The following PALLD variants were observed in gnomAD, a reference collection of about 807,000 sequenced individuals.
PALLD encodes palladin.
A neutral mutation model predicts 123.5 loss-of-function variants in PALLD; 61 were observed. The observed-to-expected ratio is 0.49, with a 90% CI of 0.40 to 0.61. The LOEUF (loss-of-function observed/expected upper bound fraction) is 0.61, where lower values mean the gene tolerates loss of function less well. Ranked by LOEUF, PALLD falls within the 20% of genes least tolerant of loss-of-function variation. The pLI is 0.00. For synonymous variants in PALLD, 465 were observed against 496.4 expected (o/e 0.94, Z 0.84); for missense variants, 1,273 against 1,377.0 (o/e 0.92, Z 1.20).
At chr4:168,729,430 C>T (rs59893369) in intron 10 of PALLD, among the ~76,000 whole-genome samples, 1 of 152,024 alleles carries the variant, frequency 6.6e-6, no homozygotes, top group Non-Finnish European at 1.5e-5. Flanking sequence ...TCCCAAGGTG[C>T]TAGGATTACA....
intron 1 of PALLD, among the ~76,000 whole-genome samples, chr4:168,504,352 T>C (rs1761765275): frequency 1.3e-5 from 2 of 152,234 alleles, no homozygotes; most frequent in Non-Finnish European, 2.9e-5. Flanking sequence ...TCCCAGCATT[T>C]TGGGAGGCTA....
At chr4:168,904,905 T>C (rs1238231084) in intron 15 of PALLD, among the ~76,000 whole-genome samples, 1 of 151,992 alleles carries the variant, frequency 6.6e-6, no homozygotes. Flanking sequence ...GGCAGGTGGA[T>C]TGCCTCAGCC....
rs1167722640 is a variant in PALLD at position 168,927,938 on chromosome 4, T to C, written c.*1758T>C. 5.0e-6 allele frequency: 1 copy of C among 199,874 alleles called. No individual in the cohort carries two copies. Among genetic ancestry groups the C allele is most frequent in the Non-Finnish European group, 1.0e-5 (1 of 96,634 alleles). 12.4% of individuals were successfully genotyped at this position (199,874 alleles called of 1,614,324 possible). On this transcript the variant is annotated 3_prime_UTR_variant, in exon 22 of 22. Coordinates refer to ENST00000505667, the MANE Select transcript of PALLD (RefSeq NM_001166108.2). ...TTCATTATTTATAAGTGGCCTCTCT[T>C]AGCTCAGTTACTCAATTCATACGTA... is the stretch of plus-strand genomic sequence containing the variant.
intron 10 of PALLD, among the ~76,000 whole-genome samples, chr4:168,818,518 T>G (rs953295879): frequency 1.3e-5 from 2 of 151,856 alleles, no homozygotes; most frequent in African/African-American, 4.8e-5. Context: ...GCCCAGGAGG[T>G]CAAGACTGTG....
intron 10 of PALLD, among the ~76,000 whole-genome samples, chr4:168,836,723 A>C (rs1745252661): frequency 6.6e-6 from 1 of 152,144 alleles, no homozygotes; most frequent in Admixed American, 6.5e-5. Context: ...AGGCTGTCAA[A>C]CCTACTGCGA....
chr4:168,786,695 A>G (rs1472928134), intron 10 of PALLD, among the ~76,000 whole-genome samples: 3 of 152,356 alleles, frequency 2.0e-5, no homozygotes, highest in African/African-American at 4.8e-5. Context: ...GTTTATGAAT[A>G]TTGGAACATT....
intron 11 of PALLD, among the ~76,000 whole-genome samples, chr4:168,892,210 A>G (rs896368375): frequency 1.3e-5 from 2 of 152,202 alleles, no homozygotes; most frequent in African/African-American, 4.8e-5. Flanking sequence ...AAGCAAATCT[A>G]GAAAATAAGA....
chr4:168,634,685 AT>A (rs1157330951), intron 2 of PALLD, among the ~76,000 whole-genome samples: 41 of 152,290 alleles, frequency 2.7e-4, no homozygotes, highest in Admixed American at 1.6e-3. Context: ...CCACCAAATG[AT>A]TTGCGGTCAG....
intron 10 of PALLD, among the ~76,000 whole-genome samples, chr4:168,883,081 T>A (rs201166619): frequency 2.8e-5 from 3 of 106,182 alleles, no homozygotes; most frequent in Non-Finnish European, 4.2e-5. Flanking sequence ...AGAGCAAAAC[T>A]CTGTCTCAAA....
chr4:168,816,411 ATAT>A (rs1338398729), intron 10 of PALLD, among the ~76,000 whole-genome samples: 8 of 113,694 alleles, frequency 7.0e-5, no homozygotes, highest in African/African-American at 2.7e-4. Flanking sequence ...ATATATATAT[ATAT>A]TTTTTTTAAG....
At chr4:168,577,232 A>G (rs1769712692) in intron 2 of PALLD, among the ~76,000 whole-genome samples, 1 of 152,128 alleles carries the variant, frequency 6.6e-6, no homozygotes, top group Non-Finnish European at 1.5e-5. Flanking sequence ...TCAGCAGTGT[A>G]TGAGTGGTTG....
intron 10 of PALLD, among the ~76,000 whole-genome samples, chr4:168,834,466 T>G (rs1316226329): frequency 1.3e-5 from 2 of 152,064 alleles, no homozygotes; most frequent in Non-Finnish European, 2.9e-5. Flanking sequence ...AGGCCGGGCA[T>G]AGAGACTCAC....
chr4:168,508,499 C>T (rs1048827807), intron 1 of PALLD, among the ~76,000 whole-genome samples: 9 of 152,156 alleles, frequency 5.9e-5, no homozygotes, highest in Admixed American at 5.9e-4. Flanking sequence ...TTAGGCTTCA[C>T]AATTTCGTCA....
At chr4:168,827,132 C>T (rs1283253076) in intron 10 of PALLD, among the ~76,000 whole-genome samples, 1 of 152,202 alleles carries the variant, frequency 6.6e-6, no homozygotes, top group Non-Finnish European at 1.5e-5. Flanking sequence ...TAAGTACAAA[C>T]AGTCCCATTT....
intron 10 of PALLD, among the ~76,000 whole-genome samples, chr4:168,792,271 CAA>C (rs1193765275): frequency 6.6e-6 from 1 of 151,906 alleles, no homozygotes; most frequent in Non-Finnish European, 1.5e-5. Context: ...GGCTGACTCC[CAA>C]AAGTTACTCA....
chr4:168,696,611 CA>C (rs1783151197), intron 8 of PALLD, among the ~76,000 whole-genome samples: 1 of 150,126 alleles, frequency 6.7e-6, no homozygotes, highest in Non-Finnish European at 1.5e-5. Flanking sequence ...AAATGTAAAA[CA>C]AAAACAAACA....
At chr4:168,830,695 GA>G (rs1309135023) in intron 10 of PALLD, among the ~76,000 whole-genome samples, 1 of 152,144 alleles carries the variant, frequency 6.6e-6, no homozygotes, top group Admixed American at 6.5e-5. Context: ...ATTGTTTAAA[GA>G]ACAATATTTG....
chr4:168,829,597 A>G (rs1174308215), intron 10 of PALLD, among the ~76,000 whole-genome samples: 2 of 152,318 alleles, frequency 1.3e-5, no homozygotes, highest in African/African-American at 2.4e-5. Context: ...AGTTAATGGC[A>G]CAGATCACAC....
At chr4:168,696,881 G>A (rs528946529) in intron 8 of PALLD, among the ~76,000 whole-genome samples, 15 of 152,256 alleles carry the variant, frequency 9.9e-5, no homozygotes, top group Middle Eastern at 3.4e-3. Flanking sequence ...AGAAAGAAGC[G>A]GCGAGAGACA....
Sources: allele counts gnomAD v4.1 joint callset (sites outside exome capture counted in the v4.1 genomes callset), GRCh38; gene constraint gnomAD v4.1.1; transcripts MANE v1.5; gene names NCBI Gene and HGNC (gene_info 2026-07-23, HGNC 2026-07-21).